ZNF600: variants seen among roughly 807,000 people sequenced by gnomAD.
ZNF600 encodes zinc finger protein 600.
In ZNF600, 4 loss-of-function variants were observed where a neutral mutation model predicts 7.3. The ratio of observed to expected loss-of-function variants is 0.55; its 90% CI spans 0.27 to 1.25. The LOEUF is 1.25. Ranked by LOEUF, ZNF600 falls within the 50% of genes most tolerant of loss-of-function variation. ZNF600 has a pLI of 0.12. For missense variants in ZNF600, 911 were observed against 922.1 expected, an observed-to-expected ratio of 0.99 and a Z score of 0.16; for synonymous variants, 290 against 308.9, an observed-to-expected ratio of 0.94 and a Z score of 0.64.
Position 52,778,807 on chromosome 19 carries a change from C to A in ZNF600, c.63+19G>T, listed in dbSNP as rs577852823. 9.8e-5 allele frequency: 157 copies of A among 1,598,438 alleles called. 1 individual carries two copies. The East Asian group carries it at 3.0e-3, about 30-fold the overall frequency. ...GAAAGGAAAGAGACAGATTAATCCA[C>A]AGAGGAATATCACTTCACCTGAGGA... On this transcript the variant is annotated intron_variant, in intron 2 of 3. Transcript: ENST00000648973.
chr19:52,791,464 G>A (rs1046580467), upstream of ZNF600, among the ~76,000 whole-genome samples: 1 of 152,208 alleles, frequency 6.6e-6, no homozygotes, highest in South Asian at 2.1e-4. Flanking sequence ...AAATGAAAGA[G>A]ACAGATTAAT....
chr19:52,810,511 A>G, the ZNF600 span: 1 of 1,591,554 alleles, frequency 6.3e-7, no homozygotes, highest in East Asian at 2.2e-5. Context: ...GAGGAAGGCA[A>G]ATCAAGGTGA....
At chr19:52,812,854 A>C in the ZNF600 span, among the ~76,000 whole-genome samples, 1 of 150,990 alleles carries the variant, frequency 6.6e-6, no homozygotes, top group East Asian at 1.9e-4. Context: ...CTTTGAGGAA[A>C]TGCATCACCC....
chr19:52,784,137 C>T (rs975913332), intron 1 of ZNF600, among the ~76,000 whole-genome samples: 5 of 152,100 alleles, frequency 3.3e-5, no homozygotes, highest in Admixed American at 1.3e-4. Flanking sequence ...CCCTGTAATC[C>T]CAGTACTTTG....
At chr19:52,804,055 A>C in the ZNF600 span, among the ~76,000 whole-genome samples, 1 of 152,238 alleles carries the variant, frequency 6.6e-6, no homozygotes, top group African/African-American at 2.4e-5. Flanking sequence ...CCTTGAGAGA[A>C]TTTAGCATGG....
chr19:52,799,438 A>G, the ZNF600 span: 10 of 760,494 alleles, frequency 1.3e-5, no homozygotes, highest in Non-Finnish European at 1.5e-5. Context: ...TCCTATTTGT[A>G]AAGTTTCTCT....
At chr19:52,800,626 CA>C in the ZNF600 span, 6 of 1,613,094 alleles carry the variant, frequency 3.7e-6, no homozygotes, top group Non-Finnish European at 5.1e-6. Flanking sequence ...GGTTTCTCTC[CA>C]GTATGAATCC....
At chr19:52,818,305 G>A in the ZNF600 span, among the ~76,000 whole-genome samples, 19 of 152,132 alleles carry the variant, frequency 1.2e-4, no homozygotes, top group Non-Finnish European at 2.1e-4. Flanking sequence ...ATGGTGGTGC[G>A]CATCTGTGTG....
At chr19:52,813,249 G>GGAAAAAAAAAA in the ZNF600 span, among the ~76,000 whole-genome samples, 2 of 62,984 alleles carry the variant, frequency 3.2e-5, no homozygotes, top group Non-Finnish European at 5.5e-5. Context: ...CTTGAATGGT[G>GGAAAAAAAAAA]AAAAAAAAAA....
the ZNF600 span, among the ~76,000 whole-genome samples, chr19:52,824,127 A>C: frequency 6.6e-6 from 1 of 151,890 alleles, no homozygotes; most frequent in South Asian, 2.1e-4. Flanking sequence ...GCAGTGGCTC[A>C]TGCCTGAGTG....
intron 2 of ZNF600, among the ~76,000 whole-genome samples, chr19:52,776,781 T>C (rs1166519789): frequency 3.9e-5 from 6 of 152,328 alleles, no homozygotes; most frequent in Middle Eastern, 3.4e-3. Flanking sequence ...ATTGCAAATG[T>C]TGTGTTTTCT....
the ZNF600 span, among the ~76,000 whole-genome samples, chr19:52,831,260 G>A: frequency 2.6e-5 from 4 of 152,110 alleles, no homozygotes; most frequent in African/African-American, 4.8e-5. Context: ...CAGACTGAGC[G>A]CAGTGGCTCA....
the ZNF600 span, among the ~76,000 whole-genome samples, chr19:52,826,160 G>T: frequency 2.0e-5 from 3 of 152,090 alleles, no homozygotes. Context: ...GTTGCTCAAC[G>T]CCTGTAATCC....
chr19:52,811,166 T>G, the ZNF600 span, among the ~76,000 whole-genome samples: 2 of 150,850 alleles, frequency 1.3e-5, no homozygotes. Flanking sequence ...GGTGCCGGGA[T>G]TGCAGATGGA....
chr19:52,774,212 G>T (rs1194519660), intron 3 of ZNF600, among the ~76,000 whole-genome samples: 1 of 151,682 alleles, frequency 6.6e-6, no homozygotes, highest in African/African-American at 2.4e-5. Flanking sequence ...GGTGGATCAC[G>T]TAAGGTGAGG....
At chr19:52,815,077 GTGTA>G in the ZNF600 span, among the ~76,000 whole-genome samples, 1 of 109,098 alleles carries the variant, frequency 9.2e-6, no homozygotes, top group Non-Finnish European at 2.0e-5. Flanking sequence ...ATAGATATGT[GTGTA>G]TGTGTGTGTA....
the ZNF600 span, chr19:52,809,792 GAAA>G: frequency 2.0e-6 from 1 of 501,372 alleles, no homozygotes; most frequent in Non-Finnish European, 3.5e-6. Context: ...GTGACAGAGC[GAAA>G]AAAAAGGAGC....
At chr19:52,822,315 G>C in the ZNF600 span, among the ~76,000 whole-genome samples, 11 of 151,916 alleles carry the variant, frequency 7.2e-5, no homozygotes, top group Admixed American at 5.9e-4. Context: ...CAAGTGATCC[G>C]ACTGCCTTGG....
chr19:52,782,857 A>C lies in ZNF600; in HGVS notation c.-20+3738T>G, dbSNP rs117716447. On this transcript the variant is annotated intron_variant, in intron 1 of 3. Coordinates refer to ENST00000648973, the Ensembl canonical transcript of ZNF600. Reference sequence around the variant, plus strand: ...TCCACTGCACTCCAGCCTGCATGACAGAGAAAGACTCCATCTCAAAAATAA... The same window carrying C: ...TCCACTGCACTCCAGCCTGCATGACCGAGAAAGACTCCATCTCAAAAATAA... Among the ~76,000 whole-genome samples the C allele has an allele frequency of 3.1e-3, 467 of 152,298 alleles. 25 individuals carry two copies. The East Asian group carries it at 0.074, about 24-fold the overall frequency.
Sources: allele counts gnomAD v4.1 joint callset (sites outside exome capture counted in the v4.1 genomes callset), GRCh38; gene constraint gnomAD v4.1.1; transcripts MANE v1.5; gene names NCBI Gene and HGNC (gene_info 2026-07-23, HGNC 2026-07-21).